Variants in DOCK5 observed in about 807,000 individuals in gnomAD.
DOCK5 encodes dedicator of cytokinesis protein 5.
A neutral mutation model predicts 251.8 loss-of-function variants in DOCK5; 142 were observed. The observed-to-expected ratio is 0.56, with a 90% confidence interval of 0.49 to 0.65. DOCK5 has a LOEUF of 0.65. DOCK5 is among the 30% of genes least tolerant of loss of function. The pLI is 0.00. For synonymous variants in DOCK5, 842 were observed against 835.5 expected (o/e 1.01, Z -0.13); for missense variants, 2,111 against 2,312.3 (o/e 0.91, Z 1.79).
At chr8:25,185,922 C>T (rs1295664909) in intron 1 of DOCK5, among the ~76,000 whole-genome samples, 1 of 152,172 alleles carries the variant, frequency 6.6e-6, no homozygotes, top group East Asian at 1.9e-4. Context: ...GCAGTTAGAC[C>T]TGGGGTGATT....
intron 8 of DOCK5, among the ~76,000 whole-genome samples, chr8:25,299,937 C>T (rs1252091197): frequency 1.3e-5 from 2 of 151,984 alleles, no homozygotes; most frequent in African/African-American, 4.8e-5. Flanking sequence ...CTTTTTTTAT[C>T]TTTTATTTAT....
intron 31 of DOCK5, 64 bp downstream of exon 31, chr8:25,367,034 A>G (rs1199132399): frequency 7.2e-7 from 1 of 1,395,166 alleles, no homozygotes; most frequent in Non-Finnish European, 1.0e-6. Flanking sequence ...ATTGAGAGCA[A>G]TATTTTAGGT....
In DOCK5 at chr8:25,306,921, C is replaced by T. The variant is rs372471231; in HGVS notation, c.1050-1862C>T. ...GAATATATAGACTACTACACACCTA[C>T]GCTGTATGGTATAGCCTATTGCTCC... On this transcript the variant is annotated intron_variant, in intron 11 of 51. Coordinates refer to ENST00000276440, the MANE Select transcript of DOCK5 (RefSeq NM_024940.8). Among the ~76,000 whole-genome samples, 386 of 152,240 alleles carry T rather than the reference C, an allele frequency of 2.5e-3. 2 individuals carry two copies. The highest frequency in any genetic ancestry group is 8.2e-3 in the African/African-American group (342 of 41,550).
intron 26 of DOCK5, among the ~76,000 whole-genome samples, chr8:25,345,845 G>A (rs1800355900): frequency 1.3e-5 from 2 of 151,914 alleles, no homozygotes; most frequent in African/African-American, 4.8e-5. Flanking sequence ...GCACTATTGA[G>A]ATCCCTGTGA....
intron 38 of DOCK5, among the ~76,000 whole-genome samples, chr8:25,379,436 A>T (rs540516090): frequency 1.3e-5 from 2 of 152,224 alleles, no homozygotes; most frequent in Admixed American, 1.3e-4. Context: ...AAGAAGAAAA[A>T]TGTGGCTGTT....
At chr8:25,187,794 G>A (rs1801471391) in intron 1 of DOCK5, among the ~76,000 whole-genome samples, 1 of 151,956 alleles carries the variant, frequency 6.6e-6, no homozygotes, top group Admixed American at 6.6e-5. Flanking sequence ...CCCTCCTTTG[G>A]GACTTTGCTC....
chr8:25,332,488 T>A, intron 19 of DOCK5, 115 bp from the exon 20 acceptor site: 1 of 1,218,450 alleles, frequency 8.2e-7, no homozygotes, highest in Non-Finnish European at 1.1e-6. Context: ...GTGTGCTAGT[T>A]TTTTAAAAAA....
At chr8:25,398,062 G>A (rs570398476) in intron 45 of DOCK5, among the ~76,000 whole-genome samples, 137 of 152,118 alleles carry the variant, frequency 9.0e-4, no homozygotes, top group African/African-American at 3.2e-3. Context: ...TTTATTCATC[G>A]CCAAAATGAT....
rs546371522 is a variant in DOCK5, at chr8:25,303,376, T to C, written c.977-879T>C. ...TATTGATTTTAGTGGAATAAAATAC[T>C]CGCTGGGAAGTGGTTTGCCGGTCTA... is the stretch of plus-strand genomic sequence containing the variant. On this transcript the variant is annotated intron_variant, in intron 10 of 51. Transcript: ENST00000276440. Among the ~76,000 whole-genome samples, 14 of 152,338 alleles carry C rather than the reference T, an allele frequency of 9.2e-5. No individual in the cohort carries two copies. In the South Asian group the frequency reaches 2.5e-3, roughly 27 times the overall value.
At position 25,219,589 on chromosome 8, in the gene DOCK5, T is replaced by C. The variant is rs542540384; in HGVS notation, c.44-24085T>C. ...GTGGTAACTTTTGAGAGCCTAAATG[T>C]CTGAAAATATCTCTATTCCACCCTT... On this transcript the variant is annotated intron_variant, in intron 1 of 51. Transcript: ENST00000276440. Among the ~76,000 whole-genome samples, 54 of 152,344 alleles carry C rather than the reference T, an allele frequency of 3.5e-4. 1 individual carries two copies. The highest frequency in any genetic ancestry group is 1.9e-4 in the East Asian group (1 of 5,194).
intron 13 of DOCK5, among the ~76,000 whole-genome samples, chr8:25,312,799 G>A (rs1012628238): frequency 3.3e-5 from 5 of 151,744 alleles, no homozygotes; most frequent in East Asian, 1.9e-4. Flanking sequence ...GAGTGGTGGC[G>A]CATGCCTGTA....
At chr8:25,388,874 A>G in intron 40 of DOCK5, 1 of 537,248 alleles carries the variant, frequency 1.9e-6, no homozygotes, top group South Asian at 2.3e-5. Context: ...AACTGGGCTA[A>G]GTATTTTTTA....
At chr8:25,384,728 G>A (rs980339512) in intron 40 of DOCK5, among the ~76,000 whole-genome samples, 2 of 151,808 alleles carry the variant, frequency 1.3e-5, no homozygotes, top group Admixed American at 1.3e-4. Flanking sequence ...CCAAAGTTTT[G>A]GAATTATAGG....
At chr8:25,244,951 G>C (rs1326505911) in intron 2 of DOCK5, among the ~76,000 whole-genome samples, 1 of 152,184 alleles carries the variant, frequency 6.6e-6, no homozygotes, top group African/African-American at 2.4e-5. Context: ...CACCATCTCA[G>C]GCCCAGCCAA....
At chr8:25,259,952 T>C (rs1009252075) in intron 2 of DOCK5, among the ~76,000 whole-genome samples, 10 of 152,234 alleles carry the variant, frequency 6.6e-5, no homozygotes, top group African/African-American at 2.4e-4. Context: ...TTTGAACTTA[T>C]TTTCAAAAGC....
intron 1 of DOCK5, among the ~76,000 whole-genome samples, chr8:25,218,771 A>G (rs1326982987): frequency 6.6e-6 from 1 of 152,194 alleles, no homozygotes; most frequent in African/African-American, 2.4e-5. Flanking sequence ...TGGCTCTTCT[A>G]GGGAGAGGCT....
chr8:25,345,359 G>A (rs1389589190), intron 25 of DOCK5, 116 bp from the exon 26 acceptor site: 1 of 1,458,690 alleles, frequency 6.9e-7, no homozygotes, highest in African/African-American at 1.4e-5. Flanking sequence ...ATCCCTGCAG[G>A]GCTGATTGCA....
chr8:25,376,463 T>A, intron 37 of DOCK5: 1 of 680,996 alleles, frequency 1.5e-6, no homozygotes, highest in Non-Finnish European at 1.8e-6. Context: ...CATGTACCAG[T>A]ACCATACTGT....
At chr8:25,238,521 A>G (rs1802858700) in intron 1 of DOCK5, among the ~76,000 whole-genome samples, 2 of 152,262 alleles carry the variant, frequency 1.3e-5, no homozygotes, top group African/African-American at 4.8e-5. Flanking sequence ...AACAGATTGT[A>G]CAAACATCCT....
Sources: gnomAD v4.1 joint callset for allele counts (sites outside exome capture counted in the v4.1 genomes callset) on GRCh38, gnomAD v4.1.1 for gene constraint, MANE v1.5 for transcripts, NCBI Gene and HGNC (gene_info 2026-07-23, HGNC 2026-07-21) for gene names.